The following ADPRHL1 variants were observed in gnomAD, a reference collection of about 807,000 sequenced individuals.
The protein encoded by ADPRHL1 is ADP-ribosylhydrolase like 1, also known as inactive ADP-ribosyltransferase ARH2.
A neutral mutation model predicts 44.1 loss-of-function variants in ADPRHL1; 43 were observed. The ratio of observed to expected loss-of-function variants is 0.98; its 90% CI spans 0.76 to 1.26. The LOEUF is 1.26. ADPRHL1 is among the 50% of genes most tolerant of loss of function. The pLI is 0.00. For missense variants in ADPRHL1, 2,022 were observed against 2,496.9 expected (o/e 0.81, Z 4.05); for synonymous variants, 878 against 1,017.4 (o/e 0.86, Z 2.61).
chr13:113,421,539 A>T (rs2043922935), intron 7 of ADPRHL1, among the ~76,000 whole-genome samples: 1 of 152,156 alleles, frequency 6.6e-6, no homozygotes, highest in Admixed American at 6.5e-5. Context: ...GGTCATTTCC[A>T]TCAAGGGGAG....
chr13:113,412,730 G>A (rs565724356), intron 7 of ADPRHL1, among the ~76,000 whole-genome samples: 7 of 149,272 alleles, frequency 4.7e-5, no homozygotes, highest in South Asian at 2.1e-4. Flanking sequence ...TTCACCCACC[G>A]CCAACAGTGC....
At chr13:113,437,552 A>G (rs374551789) in intron 2 of ADPRHL1, among the ~76,000 whole-genome samples, 11 of 152,332 alleles carry the variant, frequency 7.2e-5, no homozygotes, top group African/African-American at 2.4e-4. Context: ...AAACAGAATC[A>G]CGGAGAACGT....
chr13:113,433,829 C>A lies in ADPRHL1; in HGVS notation c.418G>T (p.Gly140Cys), dbSNP rs568922521. ...FGAATKAMCI[G>C]LRYWKPERLE... Reference sequence around the variant, plus strand: ...CGCTCAGGCTTCCAGTACCGCAGGCCGATGCACATGGCCTTGGTGGCCGCT... The same window carrying A: ...CGCTCAGGCTTCCAGTACCGCAGGCAGATGCACATGGCCTTGGTGGCCGCT... Residue 140 changes from glycine to cysteine, a missense_variant, in exon 3 of 8, where the codon GGC becomes TGC. Gly to Cys is a radical substitution (Grantham distance 159). Transcript: ENST00000612156. 6 of 1,575,680 alleles carry A rather than the reference C, an allele frequency of 3.8e-6. No individual in the cohort carries two copies. The South Asian group carries it at 7.0e-5, about 18-fold the overall frequency.
In ADPRHL1 at chr13:113,400,861, G is replaced by C. The variant is rs184436952; in HGVS notation, c.*2517C>G. On this transcript the variant is annotated 3_prime_UTR_variant, in exon 8 of 8. Coordinates refer to ENST00000612156, the MANE Select transcript of ADPRHL1 (RefSeq NM_001394807.1). Reference sequence around the variant, plus strand: ...CAGACTGTGAGAGGGGTTCAGGCACGACACTTCCGGAGCTGTCATCTGGAG... The same window carrying C: ...CAGACTGTGAGAGGGGTTCAGGCACCACACTTCCGGAGCTGTCATCTGGAG... 1.3e-5 allele frequency: 2 copies of C among 152,206 alleles called. No individual in the cohort carries two copies. The highest frequency in any genetic ancestry group is 2.9e-5 in the Non-Finnish European group (2 of 68,052). The allele number at this position is 152,206 out of a possible 1,614,324, so 9.4% of individuals were successfully genotyped here.
rs564214979 is a variant in ADPRHL1, at chr13:113,408,288, T to C, written c.1062-68A>G. On this transcript the variant is annotated intron_variant, in intron 7 of 7. Transcript: ENST00000612156. ...TCTCCAAGATGACTCTATAGAACAT[T>C]TATCATGGGGCAATCCCACCTTTTC... 3.3e-4 allele frequency: 402 copies of C among 1,228,910 alleles called. 3 individuals are homozygous for C. In the Middle Eastern group the frequency reaches 3.7e-3, roughly 11 times the overall value. 76.1% of individuals were successfully genotyped at this position (1,228,910 alleles called of 1,614,324 possible). A position where few individuals can be genotyped will look rare whatever the true frequency, so the allele number is the denominator to read the frequency against.
chr13:113,416,524 T>C (rs914443184), intron 7 of ADPRHL1, among the ~76,000 whole-genome samples: 2 of 152,118 alleles, frequency 1.3e-5, no homozygotes. Context: ...CCAGGGATGC[T>C]TGCCTGCCGC....
At chr13:113,429,701 G>C (rs2043993738) in intron 3 of ADPRHL1, among the ~76,000 whole-genome samples, 3 of 152,218 alleles carry the variant, frequency 2.0e-5, no homozygotes, top group Admixed American at 1.3e-4. Context: ...CCTGACTTGA[G>C]AGCGACCCCG....
At chr13:113,432,570 C>T (rs936808073) in intron 3 of ADPRHL1, among the ~76,000 whole-genome samples, 35 of 152,328 alleles carry the variant, frequency 2.3e-4, no homozygotes, top group African/African-American at 6.5e-4. Context: ...TTCATTTTAA[C>T]GAGTTAGCAA....
At chr13:113,436,495 TGTAGAGTGAACACAGGTGTAC>T in intron 2 of ADPRHL1, among the ~76,000 whole-genome samples, 1 of 1,726 alleles carries the variant, frequency 5.8e-4, no homozygotes. Flanking sequence ...GGCACCCAGG[TGTAGAGTGAACACAGGTGTAC>T]CCCGGGACCC....
chr13:113,444,858 T>G (rs9604111), intron 1 of ADPRHL1, among the ~76,000 whole-genome samples: 1 of 152,032 alleles, frequency 6.6e-6, no homozygotes, highest in Non-Finnish European at 1.5e-5. Context: ...CTCCTGACCT[T>G]GTGATCTGCC....
intron 1 of ADPRHL1, among the ~76,000 whole-genome samples, chr13:113,447,663 C>G (rs531503827): frequency 2.0e-5 from 3 of 152,226 alleles, no homozygotes; most frequent in Non-Finnish European, 4.4e-5. Context: ...TTCATCACCC[C>G]AGTTCTGAGT....
chr13:113,429,538 C>T lies in ADPRHL1; in HGVS notation c.506-446G>A, dbSNP rs116885821. On this transcript the variant is annotated intron_variant, in intron 3 of 7. Coordinates refer to ENST00000612156, the MANE Select transcript of ADPRHL1 (RefSeq NM_001394807.1). ...GAATCGCATTCCGTGCGTGGACGAA[C>T]GCATTTTGATTGCCCGTCATCTGTG... is the stretch of plus-strand genomic sequence containing the variant. 6.1e-3 allele frequency among the ~76,000 whole-genome samples: 923 copies of T among 152,366 alleles called. 6 individuals carry two copies. The highest frequency in any genetic ancestry group is 9.9e-3 in the Non-Finnish European group (676 of 68,046).
intron 7 of ADPRHL1, among the ~76,000 whole-genome samples, chr13:113,418,986 C>T (rs2043900077): frequency 6.8e-6 from 1 of 146,750 alleles, no homozygotes; most frequent in African/African-American, 2.5e-5. Flanking sequence ...TTCCTTCCCT[C>T]CCTCCCTCCC....
At position 113,405,919 on chromosome 13, in the gene ADPRHL1, C is replaced by T. The variant is rs1427026128; in HGVS notation, c.3363G>A (p.Ala1121=). 2.4e-6 allele frequency: 3 copies of T among 1,232,050 alleles called. No individual in the cohort carries two copies. Among genetic ancestry groups the T allele is most frequent in the South Asian group, 4.1e-5 (1 of 24,324 alleles). 76.3% of individuals were successfully genotyped at this position (1,232,050 alleles called of 1,614,324 possible). The change falls in exon 8 of 8, where the codon GCG becomes GCA. Residue 1121 remains alanine, a synonymous_variant. Coordinates refer to ENST00000612156, the MANE Select transcript of ADPRHL1 (RefSeq NM_001394807.1). ...GCGCTGGTGCAGGCGTGGCGCGGCT[C>T]GCAACGCTCCCTGCAGCTGCCATCG... is the stretch of plus-strand genomic sequence containing the variant. ...CGAMAAAGSV[A]SRATPAPAPG...
chr13:113,412,703 GTGCCC>G (rs1210116921), intron 7 of ADPRHL1, among the ~76,000 whole-genome samples: 8 of 151,042 alleles, frequency 5.3e-5, no homozygotes, highest in African/African-American at 1.7e-4. Flanking sequence ...ACCGCCAACA[GTGCCC>G]CGGAGGCTCA....
chr13:113,418,101 T>C (rs2043895796), intron 7 of ADPRHL1, among the ~76,000 whole-genome samples: 1 of 152,092 alleles, frequency 6.6e-6, no homozygotes, highest in Admixed American at 6.6e-5. Context: ...GGAGAAGGCT[T>C]GAGTGTGGTT....
rs2043834032 is a variant in ADPRHL1 at position 113,409,381 on chromosome 13, C to G, written c.1062-1161G>C. Reference sequence around the variant, plus strand: ...TGTTAGTCATTCATTCTAAGGAGATCATCAGGGATGAGGAACAAAGACTCG... The same window carrying G: ...TGTTAGTCATTCATTCTAAGGAGATGATCAGGGATGAGGAACAAAGACTCG... On this transcript the variant is annotated intron_variant, in intron 7 of 7. Coordinates refer to ENST00000612156, the MANE Select transcript of ADPRHL1 (RefSeq NM_001394807.1). This position sits in a 1 kb window ranked among gnomAD's most constrained non-coding sequence, Gnocchi z 4.2. 1 of 985,234 alleles carries G rather than the reference C, an allele frequency of 1.0e-6. No individual in the cohort carries two copies. Among genetic ancestry groups the G allele is most frequent in the South Asian group, 4.7e-5 (1 of 21,278 alleles). The allele number at this position is 985,234 out of a possible 1,614,324, so 61.0% of individuals were successfully genotyped here. A position where few individuals can be genotyped will look rare whatever the true frequency, so the allele number is the denominator to read the frequency against.
rs116733196 is a variant in ADPRHL1 at position 113,438,876 on chromosome 13, G to T, written c.380-5009C>A. ...TTGCTTTCTTCTTCTTAAGTTGGAA[G>T]AGTTCTTTATGCATTTTGGACTCAA... is the stretch of plus-strand genomic sequence containing the variant. On this transcript the variant is annotated intron_variant, in intron 2 of 7. Coordinates refer to ENST00000612156, the MANE Select transcript of ADPRHL1 (RefSeq NM_001394807.1). 3.3e-3 allele frequency among the ~76,000 whole-genome samples: 503 copies of T among 152,258 alleles called. 5 individuals are homozygous for T. Among genetic ancestry groups the T allele is most frequent in the African/African-American group, 0.012 (488 of 41,562 alleles).
intron 7 of ADPRHL1, among the ~76,000 whole-genome samples, chr13:113,408,442 TA>T (rs1251697972): frequency 6.6e-6 from 1 of 152,174 alleles, no homozygotes; most frequent in Non-Finnish European, 1.5e-5. Flanking sequence ...TGTTTCCTGT[TA>T]AATGGCAGGA....
Sources: gnomAD v4.1 joint callset for allele counts (sites outside exome capture counted in the v4.1 genomes callset) on GRCh38, gnomAD v4.1.1 for gene constraint, Gnocchi (gnomAD v3.1) non-coding constraint, MANE v1.5 for transcripts, NCBI Gene and HGNC (gene_info 2026-07-23, HGNC 2026-07-21) for gene names.